The following C1QTNF7 variants were observed in gnomAD, a reference collection of about 807,000 sequenced individuals.
C1QTNF7 encodes the protein complement C1q tumor necrosis factor-related protein 7.
C1QTNF7 carries 15 observed loss-of-function variants against 19.6 expected under a neutral mutation model. The ratio of observed to expected loss-of-function variants is 0.76; its 90% CI spans 0.51 to 1.18. The LOEUF (loss-of-function observed/expected upper bound fraction) is 1.18, where lower values mean the gene tolerates loss of function less well. Ranked by LOEUF, C1QTNF7 falls within the 50% of genes most tolerant of loss-of-function variation. The pLI, the probability that C1QTNF7 is intolerant of heterozygous loss-of-function variation, is 0.00. For missense variants in C1QTNF7, 324 were observed against 359.7 expected (o/e 0.90, Z 0.80); for synonymous variants, 142 against 137.5 (o/e 1.03, Z -0.23).
At chr4:15,360,672 G>A (rs1042202363) in intron 1 of C1QTNF7, among the ~76,000 whole-genome samples, 2 of 152,166 alleles carry the variant, frequency 1.3e-5, no homozygotes, top group Non-Finnish European at 2.9e-5. Context: ...CTTGTTTACA[G>A]TGTGAGAGCT....
At chr4:15,357,047 G>T (rs542746879) in intron 1 of C1QTNF7, among the ~76,000 whole-genome samples, 3 of 148,892 alleles carry the variant, frequency 2.0e-5, no homozygotes, top group Non-Finnish European at 3.0e-5. Context: ...TCTGTAGGTT[G>T]CCTGTTCACT....
intron 1 of C1QTNF7, among the ~76,000 whole-genome samples, chr4:15,355,582 T>C (rs183421852): frequency 1.3e-5 from 2 of 151,460 alleles, no homozygotes; most frequent in Admixed American, 1.3e-4. Flanking sequence ...AGCTTACTTT[T>C]CTCATCAAAA....
Position 15,347,335 on chromosome 4 carries a change from G to A in C1QTNF7, c.13+7128G>A, listed in dbSNP as rs919918182. Among the ~76,000 whole-genome samples the A allele has an allele frequency of 6.6e-5, 10 of 152,054 alleles. No homozygotes were observed. The East Asian group carries it at 1.3e-3, about 20-fold the overall frequency. On this transcript the variant is annotated intron_variant, in intron 1 of 2. Coordinates refer to the C1QTNF7 transcript ENST00000295297. ...AGAATCTCACCCTTCTTAATGTCTC[G>A]CATTCTCATCTTTGCTCTGCTTTTA...
chr4:15,420,663 G>C (rs10026118), intron 1 of C1QTNF7, among the ~76,000 whole-genome samples: 4,051 of 152,130 alleles, frequency 0.027, 197 homozygotes, highest in African/African-American at 0.092. Context: ...AATCCTCAGA[G>C]TCTTTTGCCC....
intron 1 of C1QTNF7, among the ~76,000 whole-genome samples, chr4:15,403,346 T>C (rs1174263315): frequency 6.6e-6 from 1 of 152,200 alleles, no homozygotes; most frequent in Non-Finnish European, 1.5e-5. Context: ...TACCACAACC[T>C]GGGTGGTTTA....
intron 1 of C1QTNF7, among the ~76,000 whole-genome samples, chr4:15,408,119 C>T (rs1164451999): frequency 6.6e-6 from 1 of 150,954 alleles, no homozygotes; most frequent in Non-Finnish European, 1.5e-5. Context: ...TTACAAAAAA[C>T]AAAATTAGCC....
At chr4:15,389,827 C>A (rs1374763334) in intron 1 of C1QTNF7, among the ~76,000 whole-genome samples, 1 of 152,144 alleles carries the variant, frequency 6.6e-6, no homozygotes, top group Non-Finnish European at 1.5e-5. Flanking sequence ...ATTGGTAACA[C>A]TGGATTATAA....
chr4:15,384,643 T>A (rs1429908238), intron 1 of C1QTNF7, among the ~76,000 whole-genome samples: 1 of 152,176 alleles, frequency 6.6e-6, no homozygotes, highest in African/African-American at 2.4e-5. Context: ...GTTCAAGACA[T>A]GACAAATGAA....
upstream of C1QTNF7, among the ~76,000 whole-genome samples, chr4:15,425,345 T>C (rs916281447): frequency 6.6e-6 from 1 of 152,086 alleles, no homozygotes; most frequent in Non-Finnish European, 1.5e-5. Flanking sequence ...GAAGACAGGG[T>C]TGTGCCTGCT....
chr4:15,437,214 G>A (rs1276467022), intron 2 of C1QTNF7, among the ~76,000 whole-genome samples: 1 of 151,988 alleles, frequency 6.6e-6, no homozygotes, highest in Non-Finnish European at 1.5e-5. Flanking sequence ...CAATAATGTA[G>A]TGGCTATACA....
intron 1 of C1QTNF7, among the ~76,000 whole-genome samples, chr4:15,373,287 C>T (rs565639738): frequency 5.9e-5 from 9 of 152,292 alleles, no homozygotes; most frequent in Admixed American, 5.2e-4. Flanking sequence ...GCTTAGCTAT[C>T]TCCTTCCAGC....
chr4:15,344,852 C>G (rs1299023745), intron 1 of C1QTNF7, among the ~76,000 whole-genome samples: 1 of 152,210 alleles, frequency 6.6e-6, no homozygotes, highest in Non-Finnish European at 1.5e-5. Context: ...TCCTGGCTAT[C>G]TGCCTTTTGC....
At chr4:15,343,029 G>A (rs1336599295) in intron 1 of C1QTNF7, among the ~76,000 whole-genome samples, 1 of 152,100 alleles carries the variant, frequency 6.6e-6, no homozygotes, top group Admixed American at 6.5e-5. Flanking sequence ...TCTGTGTAAG[G>A]TCTACTATCA....
rs371373267 is a variant in C1QTNF7 at position 15,360,695 on chromosome 4, T to C, written c.13+20488T>C. On this transcript the variant is annotated intron_variant, in intron 1 of 2. Transcript: ENST00000295297. ...CAGTGTGAGAGCTGAAAGGAGAAAG[T>C]AGAACATTGTCGTCTTTGACCTGAG... Among the ~76,000 whole-genome samples, 5 of 152,214 alleles carry C rather than the reference T, an allele frequency of 3.3e-5. No homozygotes were observed. The East Asian group carries it at 7.7e-4, about 24-fold the overall frequency.
At chr4:15,393,916 A>G (rs923223034) in intron 1 of C1QTNF7, among the ~76,000 whole-genome samples, 1 of 152,198 alleles carries the variant, frequency 6.6e-6, no homozygotes, top group Admixed American at 6.5e-5. Context: ...GGATAGACAG[A>G]TAAGAAACCA....
At chr4:15,398,491 C>G (rs1718870627) in intron 1 of C1QTNF7, among the ~76,000 whole-genome samples, 1 of 152,088 alleles carries the variant, frequency 6.6e-6, no homozygotes, top group African/African-American at 2.4e-5. Context: ...TTCTGTTCCA[C>G]AGTGAACACT....
chr4:15,396,358 C>T (rs924639714), intron 1 of C1QTNF7, among the ~76,000 whole-genome samples: 6 of 152,144 alleles, frequency 3.9e-5, no homozygotes, highest in African/African-American at 1.4e-4. Context: ...AGCACTGACA[C>T]AGAGGACCAT....
At chr4:15,415,547 C>T (rs1719570976) in intron 1 of C1QTNF7, among the ~76,000 whole-genome samples, 1 of 151,924 alleles carries the variant, frequency 6.6e-6, no homozygotes, top group Admixed American at 6.6e-5. Flanking sequence ...ACAAATCACC[C>T]ATAACCTCTC....
At chr4:15,353,954 T>C (rs748778074) in intron 1 of C1QTNF7, among the ~76,000 whole-genome samples, 1 of 151,972 alleles carries the variant, frequency 6.6e-6, no homozygotes, top group South Asian at 2.1e-4. Context: ...CCCTTGAAAA[T>C]TGGAAGCGAA....
Sources: allele counts gnomAD v4.1 joint callset (sites outside exome capture counted in the v4.1 genomes callset), GRCh38; gene constraint gnomAD v4.1.1; transcripts MANE v1.5; gene names NCBI Gene and HGNC (gene_info 2026-07-23, HGNC 2026-07-21).